The following CDH12 variants were observed in gnomAD, a reference collection of about 807,000 sequenced individuals.
CDH12 encodes the protein cadherin-12.
Under a neutral mutation model 74.1 loss-of-function variants are expected in CDH12, and 41 were observed. The observed-to-expected ratio is 0.55, with a 90% CI of 0.43 to 0.72. The LOEUF (loss-of-function observed/expected upper bound fraction) is 0.72. CDH12 is among the 30% of genes least tolerant of loss of function. CDH12 has a pLI of 0.00. For synonymous variants in CDH12, 399 were observed against 355.0 expected (o/e 1.12, Z -1.39); for missense variants, 945 against 977.2 (o/e 0.97, Z 0.44).
intron 9 of CDH12, among the ~76,000 whole-genome samples, chr5:21,804,643 AACACACACACACACAC>A (rs11281181): frequency 7.6e-4 from 88 of 115,366 alleles, no homozygotes; most frequent in Admixed American, 2.0e-3. Context: ...AGTGAATTAA[AACACACACACACACAC>A]ACACACACAC....
At chr5:22,799,918 TAATA>T (rs1438303404) in intron 1 of CDH12, among the ~76,000 whole-genome samples, 3 of 152,292 alleles carry the variant, frequency 2.0e-5, no homozygotes, top group African/African-American at 7.2e-5. Context: ...GATTGCCTCA[TAATA>T]AATAAATATT....
chr5:22,535,170 T>C (rs1350722902), intron 1 of CDH12, among the ~76,000 whole-genome samples: 1 of 145,184 alleles, frequency 6.9e-6, no homozygotes, highest in Non-Finnish European at 1.5e-5. Flanking sequence ...TTTTTTTTTT[T>C]TTTTGAGACG....
At chr5:21,855,539 TA>T (rs1347091537) in intron 6 of CDH12, among the ~76,000 whole-genome samples, 1 of 149,790 alleles carries the variant, frequency 6.7e-6, no homozygotes, top group East Asian at 2.0e-4. Flanking sequence ...TATCTCTTCC[TA>T]ATATCCTGTT....
intron 1 of CDH12, among the ~76,000 whole-genome samples, chr5:22,664,258 C>T (rs1412080000): frequency 1.3e-5 from 2 of 152,072 alleles, no homozygotes; most frequent in Non-Finnish European, 2.9e-5. Context: ...CAGAATTGCC[C>T]GATACTGGGT....
chr5:21,896,152 T>C (rs563720165), intron 6 of CDH12, among the ~76,000 whole-genome samples: 1 of 152,296 alleles, frequency 6.6e-6, no homozygotes, highest in African/African-American at 2.4e-5. Context: ...CCAGCTGGAA[T>C]GACAGCCAGC....
At chr5:22,742,412 A>G (rs563034766) in intron 1 of CDH12, among the ~76,000 whole-genome samples, 4 of 152,272 alleles carry the variant, frequency 2.6e-5, no homozygotes, top group African/African-American at 9.6e-5. Context: ...AAATAAGACC[A>G]CATGGCTTGC....
At chr5:22,797,761 A>G (rs2126406613) in intron 1 of CDH12, among the ~76,000 whole-genome samples, 1 of 152,276 alleles carries the variant, frequency 6.6e-6, no homozygotes, top group East Asian at 1.9e-4. Flanking sequence ...TTTTTATTTG[A>G]ATACAATTTC....
intron 4 of CDH12, among the ~76,000 whole-genome samples, chr5:22,098,653 T>C (rs1274824874): frequency 6.6e-6 from 1 of 152,144 alleles, no homozygotes; most frequent in African/African-American, 2.4e-5. Context: ...CTTCGTTGAG[T>C]CGCCCACAAT....
At chr5:22,087,902 G>C (rs545373355) in intron 4 of CDH12, among the ~76,000 whole-genome samples, 9 of 152,190 alleles carry the variant, frequency 5.9e-5, no homozygotes, top group Non-Finnish European at 1.0e-4. Flanking sequence ...GATTGATGGT[G>C]AGCTGCTCAG....
intron 1 of CDH12, among the ~76,000 whole-genome samples, chr5:22,721,110 C>G (rs1047166601): frequency 2.0e-5 from 3 of 152,228 alleles, no homozygotes; most frequent in African/African-American, 7.2e-5. Context: ...CCTCCCATCA[C>G]AGGCCTGAAG....
In CDH12 at chr5:22,836,240, T is replaced by TTTTTTTTTTC. The variant is rs1328359669; in HGVS notation, c.-523+16817_-523+16818insGAAAAAAAAA. Among the ~76,000 whole-genome samples the TTTTTTTTTTC allele has an allele frequency of 9.2e-5, 13 of 140,840 alleles. 2 individuals are homozygous for TTTTTTTTTTC. The highest frequency in any genetic ancestry group is 2.9e-4 in the African/African-American group (11 of 37,966). The allele number at this position is 140,840 out of a possible 152,430, so 92.4% of individuals were successfully genotyped here. On this transcript the variant is annotated intron_variant, in intron 1 of 14. Transcript: ENST00000382254. Reference sequence around the variant, plus strand: ...TTCTTTCTCTTTTTTTTTTTTTTTTTTGAGACAGAGTCTCGCTCTGTTGTC... The same window carrying TTTTTTTTTTC: ...TTCTTTCTCTTTTTTTTTTTTTTTTTTTTTTTTTTCTGAGACAGAGTCTCGCTCTGTTGTC...
chr5:22,283,213 T>G (rs1197295502), intron 3 of CDH12, among the ~76,000 whole-genome samples: 3 of 87,914 alleles, frequency 3.4e-5, no homozygotes, highest in African/African-American at 1.9e-4. Context: ...GAGATATATA[T>G]ATAGATATAT....
rs371789260 is a variant in CDH12 at position 22,749,906 on chromosome 5, T to C, written c.-523+103152A>G. Among the ~76,000 whole-genome samples, 23 of 152,340 alleles carry C rather than the reference T, an allele frequency of 1.5e-4. No individual in the cohort carries two copies. The East Asian group carries it at 4.1e-3, about 27-fold the overall frequency. ...ATGTTAGCATTATTTTTGAGTTGCA[T>C]AGACACACACAAAATCACTTAGGCA... On this transcript the variant is annotated intron_variant, in intron 1 of 14. Coordinates refer to ENST00000382254, the MANE Select transcript of CDH12 (RefSeq NM_004061.5).
intron 11 of CDH12, among the ~76,000 whole-genome samples, chr5:21,772,027 T>C (rs1745349277): frequency 6.6e-6 from 1 of 152,198 alleles, no homozygotes; most frequent in Non-Finnish European, 1.5e-5. Context: ...GTGAGACATG[T>C]TCGACTCCCC....
At chr5:22,079,864 G>A (rs1254437683) in intron 4 of CDH12, among the ~76,000 whole-genome samples, 2 of 150,340 alleles carry the variant, frequency 1.3e-5, no homozygotes, top group Non-Finnish European at 3.0e-5. Flanking sequence ...AAAATAAACA[G>A]TCAAATAAAT....
At chr5:22,510,681 A>G (rs1458432017) in intron 1 of CDH12, among the ~76,000 whole-genome samples, 1 of 152,122 alleles carries the variant, frequency 6.6e-6, no homozygotes, top group African/African-American at 2.4e-5. Flanking sequence ...ATTACTTATA[A>G]TAATTGCTAT....
At chr5:22,047,496 T>C (rs1561055471) in intron 5 of CDH12, among the ~76,000 whole-genome samples, 1 of 151,878 alleles carries the variant, frequency 6.6e-6, no homozygotes, top group Non-Finnish European at 1.5e-5. Context: ...TATGCAGGTA[T>C]AAAAGAAAAT....
intron 8 of CDH12, among the ~76,000 whole-genome samples, chr5:21,833,047 T>C (rs1286330217): frequency 9.2e-5 from 8 of 86,646 alleles, no homozygotes; most frequent in Non-Finnish European, 1.6e-4. Context: ...ATATATAATA[T>C]ATATTATATG....
chr5:22,743,958 A>G (rs1745164149), intron 1 of CDH12, among the ~76,000 whole-genome samples: 1 of 152,080 alleles, frequency 6.6e-6, no homozygotes, highest in East Asian at 1.9e-4. Context: ...TTTGAAATAC[A>G]TTTATAATCC....
Sources: allele counts gnomAD v4.1 joint callset (sites outside exome capture counted in the v4.1 genomes callset), GRCh38; gene constraint gnomAD v4.1.1; transcripts MANE v1.5; gene names NCBI Gene and HGNC (gene_info 2026-07-23, HGNC 2026-07-21).